LAIR1: variants seen among roughly 807,000 people sequenced by gnomAD.
The protein encoded by LAIR1 is leukocyte associated immunoglobulin like receptor 1.
A neutral mutation model predicts 32.8 loss-of-function variants in LAIR1; 24 were observed. The ratio of observed to expected loss-of-function variants is 0.73; its 90% CI spans 0.53 to 1.03. The LOEUF (loss-of-function observed/expected upper bound fraction) is 1.03, where lower values mean the gene tolerates loss of function less well. Among genes scored for constraint, LAIR1 ranks in the 50% least tolerant of loss-of-function variants. The pLI, the probability that LAIR1 is intolerant of heterozygous loss-of-function variation, is 0.00. For missense variants in LAIR1, 355 were observed against 347.5 expected (o/e 1.02, Z -0.17); for synonymous variants, 150 against 140.5 (o/e 1.07, Z -0.48).
At chr19:54,373,624 C>T (rs144513124), upstream of LAIR1, among the ~76,000 whole-genome samples, 12 of 151,914 alleles carry the variant, frequency 7.9e-5, no homozygotes, top group East Asian at 1.7e-3. Flanking sequence ...AATTATTTCA[C>T]GACTATTGTG....
upstream of LAIR1, among the ~76,000 whole-genome samples, chr19:54,373,465 A>T (rs538469347): frequency 1.6e-4 from 24 of 151,844 alleles, no homozygotes; most frequent in African/African-American, 4.1e-4. Flanking sequence ...AATAAATAAA[A>T]TAAATAAGTC....
At chr19:54,367,278 T>A (rs1247147583), upstream of LAIR1, among the ~76,000 whole-genome samples, 1 of 152,138 alleles carries the variant, frequency 6.6e-6, no homozygotes. Context: ...CAAACTTGGA[T>A]CTCGTGGACA....
intron 8 of LAIR1, 74 bp downstream of exon 8, chr19:54,356,156 C>T: frequency 1.4e-6 from 2 of 1,426,328 alleles, no homozygotes; most frequent in Non-Finnish European, 2.0e-6. Flanking sequence ...CCCCCCACCC[C>T]CCACATTGCA....
upstream of LAIR1, among the ~76,000 whole-genome samples, chr19:54,374,470 C>G (rs527912701): frequency 6.6e-6 from 1 of 152,246 alleles, no homozygotes; most frequent in Non-Finnish European, 1.5e-5. Flanking sequence ...TCCTCTTTCT[C>G]TGAACCGGGG....
At position 54,356,955 on chromosome 19, in the gene LAIR1, T is replaced by C; in HGVS notation, c.427A>G (p.Arg143Gly). ...EPGSSAGPTQRPSDNSHNEHA... is the reference protein window; with the variant it reads ...EPGSSAGPTQGPSDNSHNEHA... ...TCATTGTGACTGTTGTCCGACGGCC[T>C]CTGCGTGGGTCCTGGGAGGGAGGAA... Residue 143 changes from arginine (R) to glycine (G), a missense_variant, in exon 5 of 10, where the codon AGG becomes GGG. By Grantham distance (125) the Arg-to-Gly change is moderately radical. Transcript: ENST00000391742. 1 of 1,613,906 alleles carries C rather than the reference T, an allele frequency of 6.2e-7. No individual in the cohort carries two copies. The highest frequency in any genetic ancestry group is 8.5e-7 in the Non-Finnish European group (1 of 1,179,928).
intron 2 of LAIR1, among the ~76,000 whole-genome samples, chr19:54,363,019 A>AG (rs1393602824): frequency 2.9e-5 from 4 of 139,980 alleles, no homozygotes; most frequent in African/African-American, 8.7e-5. Flanking sequence ...AAGGGCTCTG[A>AG]GAAAAAAAAA....
intron 3 of LAIR1, chr19:54,360,593 C>T (rs1385604423): frequency 2.1e-6 from 1 of 475,118 alleles, no homozygotes; most frequent in African/African-American, 1.9e-5. Context: ...AGACACTCAT[C>T]CTCTTGTAGG....
chr19:54,355,787 A>T lies in LAIR1; in HGVS notation c.717+167T>A, dbSNP rs1024223069. 6.6e-6 allele frequency among the ~76,000 whole-genome samples: 1 copy of T among 152,058 alleles called. No homozygotes were observed. The highest frequency in any genetic ancestry group is 1.5e-5 in the Non-Finnish European group (1 of 68,006). On this transcript the variant is annotated intron_variant, in intron 9 of 9. Coordinates refer to ENST00000391742, the MANE Select transcript of LAIR1 (RefSeq NM_002287.6). The surrounding 1 kb of genome is among the most constrained non-coding windows in gnomAD (Gnocchi z 4.7). ...GGACGTGGATCCTCCAGCCCACGGG[A>T]GCCTTCGGATGCACACAGCCCTGGG...
intron 5 of LAIR1, 148 bp from the exon 6 acceptor site, chr19:54,356,767 C>T (rs917535977): frequency 1.4e-5 from 16 of 1,164,116 alleles, no homozygotes; most frequent in Admixed American, 1.1e-4. Flanking sequence ...GATCGTTATC[C>T]CCTTCTTCCA....
At chr19:54,368,087 C>G (rs939172755), upstream of LAIR1, 2 of 151,876 alleles carry the variant, frequency 1.3e-5, no homozygotes, top group Middle Eastern at 3.1e-3. Context: ...TTTTGTAATG[C>G]CTAAGAGATA....
upstream of LAIR1, among the ~76,000 whole-genome samples, chr19:54,365,968 T>C (rs1009913114): frequency 3.9e-5 from 6 of 152,278 alleles, no homozygotes; most frequent in South Asian, 6.2e-4. Flanking sequence ...AATTCTGCCA[T>C]GGGCGACAAC....
At chr19:54,358,132 A>T (rs1435159300) in intron 4 of LAIR1, 1 of 147,080 alleles carries the variant, frequency 6.8e-6, no homozygotes, top group Non-Finnish European at 1.5e-5. Context: ...TATAATATAT[A>T]ATGTATAATT....
intron 2 of LAIR1, among the ~76,000 whole-genome samples, chr19:54,363,593 A>G (rs2082123572): frequency 2.0e-5 from 3 of 152,226 alleles, no homozygotes; most frequent in South Asian, 2.1e-4. Context: ...TGCTGTGTAT[A>G]TGCAATGGAA....
At chr19:54,367,258 G>C (rs1486785410), upstream of LAIR1, among the ~76,000 whole-genome samples, 11 of 152,324 alleles carry the variant, frequency 7.2e-5, 1 homozygote, top group Admixed American at 5.9e-4. Context: ...CGTGGTGACA[G>C]TAATGATCAC....
At chr19:54,361,605 C>T (rs528689142) in intron 2 of LAIR1, among the ~76,000 whole-genome samples, 2 of 146,306 alleles carry the variant, frequency 1.4e-5, no homozygotes, top group Non-Finnish European at 1.5e-5. Context: ...GACAGAGAAG[C>T]GAGGGCTCTG....
At chr19:54,356,769 C>G in intron 5 of LAIR1, 150 bp from the exon 6 acceptor site, 1 of 1,163,666 alleles carries the variant, frequency 8.6e-7, no homozygotes, top group Non-Finnish European at 1.2e-6. Context: ...TCGTTATCCC[C>G]TTCTTCCACC....
chr19:54,368,231 T>C (rs2082315955), upstream of LAIR1: 1 of 152,114 alleles, frequency 6.6e-6, no homozygotes, highest in Admixed American at 6.5e-5. Flanking sequence ...GTTTTGTAAA[T>C]CATGAGGACA....
chr19:54,373,208 C>T (rs981780482), upstream of LAIR1, among the ~76,000 whole-genome samples: 10 of 150,656 alleles, frequency 6.6e-5, no homozygotes, highest in South Asian at 2.1e-4. Flanking sequence ...TTTGGGAGGC[C>T]AAGGCGGGCA....
intron 2 of LAIR1, 72 bp from the exon 3 acceptor site, chr19:54,361,281 A>C (rs756513015): frequency 2.6e-6 from 4 of 1,518,790 alleles, no homozygotes; most frequent in Non-Finnish European, 2.7e-6. Flanking sequence ...TCATTTTAGC[A>C]TCACAATTCA....
Sources: allele counts gnomAD v4.1 joint callset (sites outside exome capture counted in the v4.1 genomes callset), GRCh38; gene constraint gnomAD v4.1.1; non-coding constraint Gnocchi (gnomAD v3.1); transcripts MANE v1.5; gene names NCBI Gene and HGNC (gene_info 2026-07-23, HGNC 2026-07-21).